GLTP: variants seen among roughly 807,000 people sequenced by gnomAD.
The protein encoded by GLTP is glycolipid transfer protein.
In GLTP, 22 loss-of-function variants were observed where a neutral mutation model predicts 24.0. That is an observed-to-expected ratio of 0.92 (90% CI 0.65 to 1.31). The LOEUF (loss-of-function observed/expected upper bound fraction) is 1.31, where lower values mean the gene tolerates loss of function less well. Among genes scored for constraint, GLTP ranks in the 50% most tolerant of loss-of-function variants. The probability of loss-of-function intolerance (pLI) is 0.00; values close to 1 mark genes in which losing one functional copy is unlikely to be tolerated. For missense variants in GLTP, 224 were observed against 276.6 expected, an observed-to-expected ratio of 0.81 and a Z score of 1.35; for synonymous variants, 92 against 115.9, an observed-to-expected ratio of 0.79 and a Z score of 1.33.
chr12:109,876,669 A>G (rs1280809934), intron 1 of GLTP, among the ~76,000 whole-genome samples: 1 of 144,822 alleles, frequency 6.9e-6, no homozygotes, highest in Non-Finnish European at 1.5e-5. Flanking sequence ...AAGAAAGAGG[A>G]AGGAAGGAAG....
intron 1 of GLTP, chr12:109,866,175 A>G (rs1170904080): frequency 1.3e-5 from 2 of 151,304 alleles, no homozygotes; most frequent in Non-Finnish European, 2.9e-5. Flanking sequence ...CTCAATAATA[A>G]CAAAAAAAAA....
Position 109,858,705 on chromosome 12 carries a change from G to C in GLTP, c.140C>G (p.Ala47Gly), listed in dbSNP as rs778721506. 25 of 1,612,970 alleles carry C rather than the reference G, an allele frequency of 1.5e-5. No individual in the cohort carries two copies. In the South Asian group the frequency reaches 2.4e-4, roughly 16 times the overall value. The change falls in exon 2 of 5, where the codon GCA becomes GGA. Residue 47 changes from alanine (A) to glycine (G), a missense_variant. Transcript: ENST00000318348. ...LGSPVFTPIKADISGNITKIK... is the reference protein window; with the variant it reads ...LGSPVFTPIKGDISGNITKIK... ...TACCGTGATGTTGCCGCTTATGTCT[G>C]CCTTGATGGGAGTAAACACTGGGGA...
chr12:109,866,404 CCAAT>C (rs1469961728), intron 1 of GLTP: 2 of 152,230 alleles, frequency 1.3e-5, no homozygotes, highest in Non-Finnish European at 1.5e-5. Flanking sequence ...GTGCAGACAC[CCAAT>C]CAGTGTAGCA....
intron 1 of GLTP, among the ~76,000 whole-genome samples, chr12:109,878,856 T>G (rs1205253149): frequency 6.6e-6 from 1 of 152,208 alleles, no homozygotes; most frequent in Non-Finnish European, 1.5e-5. Flanking sequence ...TACCCAGGTC[T>G]GGGAATCATA....
intron 1 of GLTP, among the ~76,000 whole-genome samples, chr12:109,870,021 G>A (rs1868669515): frequency 6.6e-6 from 1 of 152,122 alleles, no homozygotes; most frequent in African/African-American, 2.4e-5. Context: ...TGGGGTTACA[G>A]GCATGAGCCA....
Position 109,855,512 on chromosome 12 carries a change from G to A in GLTP, c.447+107C>T, listed in dbSNP as rs1415565022. 1.0e-6 allele frequency: 1 copy of A among 996,828 alleles called. No individual in the cohort carries two copies. The highest frequency in any genetic ancestry group is 2.7e-5 in the Admixed American group (1 of 36,932). The allele number at this position is 996,828 out of a possible 1,614,324, so 61.7% of individuals were successfully genotyped here. A position where few individuals can be genotyped will look rare whatever the true frequency, so the allele number is the denominator to read the frequency against. On this transcript the variant is annotated intron_variant, in intron 4 of 4. Coordinates refer to ENST00000318348, the MANE Select transcript of GLTP (RefSeq NM_016433.4). The surrounding 1 kb of genome is among the most constrained non-coding windows in gnomAD (Gnocchi z 4.1). ...TGAGGGAGCCCTTCCTGAGCCCGAG[G>A]GGGTAAACACAGCCTCACAGGCCAG...
chr12:109,858,000 G>A lies in GLTP; in HGVS notation c.163-341C>T. On this transcript the variant is annotated intron_variant, in intron 2 of 4. Coordinates refer to ENST00000318348, the MANE Select transcript of GLTP (RefSeq NM_016433.4). The surrounding 1 kb of genome is among the most constrained non-coding windows in gnomAD (Gnocchi z 4.3). ...ATGTTCTCCAGCCACTACTGACACT[G>A]CCTCAGACACCAAGTATCTGAAGTT... 1 of 434,398 alleles carries A rather than the reference G, an allele frequency of 2.3e-6. No individual in the cohort carries two copies. Among genetic ancestry groups the A allele is most frequent in the South Asian group, 1.8e-5 (1 of 54,236 alleles). The allele number at this position is 434,398 out of a possible 1,614,324, so 26.9% of individuals were successfully genotyped here.
At chr12:109,866,759 CTT>C (rs35739263) in intron 1 of GLTP, among the ~76,000 whole-genome samples, 258 of 129,836 alleles carry the variant, frequency 2.0e-3, no homozygotes, top group Middle Eastern at 3.8e-3. Context: ...CTTTGTGTAT[CTT>C]TTTTTTTTTT....
intron 1 of GLTP, among the ~76,000 whole-genome samples, chr12:109,861,107 C>A (rs1368642681): frequency 6.6e-6 from 1 of 152,020 alleles, no homozygotes; most frequent in Non-Finnish European, 1.5e-5. Context: ...CAGACAGGGA[C>A]CTCAGTGTGG....
chr12:109,853,687 C>CAA (rs1194984784), intron 4 of GLTP, among the ~76,000 whole-genome samples: 3 of 79,522 alleles, frequency 3.8e-5, no homozygotes, highest in African/African-American at 4.4e-5. Context: ...GACTCCGTTT[C>CAA]AAAAAAAAAA....
chr12:109,856,365 A>G (rs1183944547), intron 3 of GLTP, among the ~76,000 whole-genome samples: 3 of 152,210 alleles, frequency 2.0e-5, no homozygotes, highest in Non-Finnish European at 1.5e-5. Context: ...ATGGGGTACA[A>G]CAAGGAGTCC....
chr12:109,863,266 GT>G (rs1337629857), intron 1 of GLTP, among the ~76,000 whole-genome samples: 1 of 151,822 alleles, frequency 6.6e-6, no homozygotes, highest in African/African-American at 2.4e-5. Flanking sequence ...GTAATGTCAG[GT>G]TTTTTTTCTG....
chr12:109,859,980 G>T, intron 1 of GLTP: 1 of 137,656 alleles, frequency 7.3e-6, no homozygotes, highest in South Asian at 2.3e-4. Context: ...CATTCATAAC[G>T]TTTAACTTTT....
chr12:109,876,250 T>C (rs1362101966), intron 1 of GLTP, among the ~76,000 whole-genome samples: 2 of 152,008 alleles, frequency 1.3e-5, no homozygotes, highest in Admixed American at 6.6e-5. Flanking sequence ...GGCCGAGGCA[T>C]GAGGATCACT....
chr12:109,852,389 A>AT lies in GLTP; in HGVS notation c.*165_*166insA. The AT allele has an allele frequency of 1.8e-6, 1 of 549,144 alleles. No individual in the cohort carries two copies. Among genetic ancestry groups the AT allele is most frequent in the Non-Finnish European group, 3.3e-6 (1 of 307,386 alleles). The allele number at this position is 549,144 out of a possible 1,614,324, so 34.0% of individuals were successfully genotyped here. A position where few individuals can be genotyped will look rare whatever the true frequency, so the allele number is the denominator to read the frequency against. ...AGAATAGACCAAAAAAAAAAAAAAA[A>AT]AAGACTTAAAAAACGAGGGCTGTCC... On this transcript the variant is annotated 3_prime_UTR_variant, in exon 5 of 5. Coordinates refer to ENST00000318348, the MANE Select transcript of GLTP (RefSeq NM_016433.4).
At chr12:109,879,650 C>T (rs985601271) in intron 1 of GLTP, among the ~76,000 whole-genome samples, 1 of 152,174 alleles carries the variant, frequency 6.6e-6, no homozygotes, top group Admixed American at 6.5e-5. Flanking sequence ...TAGAAAGAGG[C>T]CCTGGAATTT....
chr12:109,875,953 G>A (rs1868866236), intron 1 of GLTP, among the ~76,000 whole-genome samples: 1 of 152,214 alleles, frequency 6.6e-6, no homozygotes, highest in Non-Finnish European at 1.5e-5. Flanking sequence ...TGAATATAAG[G>A]ATGTTCACTG....
intron 1 of GLTP, among the ~76,000 whole-genome samples, chr12:109,866,759 CTTT>C (rs35739263): frequency 4.2e-4 from 54 of 129,830 alleles, no homozygotes; most frequent in Admixed American, 6.3e-4. Context: ...CTTTGTGTAT[CTTT>C]TTTTTTTTTT....
rs1892820049 is a variant in GLTP at position 109,857,888 on chromosome 12, TG to T, written c.163-230del. 1.8e-6 allele frequency: 1 copy of T among 562,586 alleles called. No homozygotes were observed. Among genetic ancestry groups the T allele is most frequent in the Non-Finnish European group, 3.2e-6 (1 of 313,754 alleles). The allele number at this position is 562,586 out of a possible 1,614,324, so 34.8% of individuals were successfully genotyped here. On this transcript the variant is annotated intron_variant, in intron 2 of 4. Coordinates refer to ENST00000318348, the MANE Select transcript of GLTP (RefSeq NM_016433.4). This position sits in a 1 kb window ranked among gnomAD's most constrained non-coding sequence, Gnocchi z 4.3. ...ATCCTGGTGGCAAACCTGATGTTGC[TG>T]TCATTATCCCATTTTACAGGCAGAG... is the stretch of plus-strand genomic sequence containing the variant.
Sources: gnomAD v4.1 joint callset for allele counts (sites outside exome capture counted in the v4.1 genomes callset) on GRCh38, gnomAD v4.1.1 for gene constraint, Gnocchi (gnomAD v3.1) non-coding constraint, MANE v1.5 for transcripts, NCBI Gene and HGNC (gene_info 2026-07-23, HGNC 2026-07-21) for gene names.